ZNF787: variants seen among roughly 807,000 people sequenced by gnomAD.
ZNF787 encodes the protein TTF-I-interacting peptide 20.
Under a neutral mutation model 16.9 loss-of-function variants are expected in ZNF787, and 7 were observed. The observed-to-expected ratio is 0.42, with a 90% CI of 0.24 to 0.78. The LOEUF (loss-of-function observed/expected upper bound fraction) is 0.78, where lower values mean the gene tolerates loss of function less well. Ranked by LOEUF, ZNF787 falls within the 30% of genes least tolerant of loss-of-function variation. The probability of loss-of-function intolerance (pLI) is 0.30; values close to 1 mark genes in which losing one functional copy is unlikely to be tolerated. For synonymous variants in ZNF787, 345 were observed against 270.9 expected, an observed-to-expected ratio of 1.27 and a Z score of -2.69; for missense variants, 551 against 589.3, an observed-to-expected ratio of 0.94 and a Z score of 0.67.
intron 2 of ZNF787, among the ~76,000 whole-genome samples, chr19:56,097,262 C>T (rs982338495): frequency 3.9e-5 from 6 of 152,232 alleles, no homozygotes; most frequent in Non-Finnish European, 7.3e-5. Flanking sequence ...ATTATTCCTA[C>T]CAGTATTAGC....
chr19:56,091,925 A>AGCCGC (rs1568523344), intron 2 of ZNF787, among the ~76,000 whole-genome samples: 28 of 101,098 alleles, frequency 2.8e-4, no homozygotes, highest in South Asian at 1.9e-3. Context: ...GCCGCAGCCG[A>AGCCGC]AGCCGAAGCC....
intron 2 of ZNF787, among the ~76,000 whole-genome samples, chr19:56,098,856 T>G (rs376327413): frequency 7.6e-4 from 98 of 129,040 alleles, no homozygotes; most frequent in South Asian, 2.3e-3. Context: ...CAGGGTGATA[T>G]GGCCACCCGG....
chr19:56,103,412 A>T, intron 1 of ZNF787, 185 bp from the exon 2 acceptor site: 1 of 497,928 alleles, frequency 2.0e-6, no homozygotes, highest in Non-Finnish European at 3.5e-6. Flanking sequence ...TCCCCACTGC[A>T]GGGGCCAGCC....
chr19:56,098,530 G>A (rs1046167876), intron 2 of ZNF787, among the ~76,000 whole-genome samples: 5 of 143,228 alleles, frequency 3.5e-5, no homozygotes, highest in Non-Finnish European at 7.5e-5. Context: ...GCAGGGTGAT[G>A]CCACCAGGGT....
chr19:56,089,541 CCT>C (rs1331741258), intron 2 of ZNF787, among the ~76,000 whole-genome samples: 1 of 152,208 alleles, frequency 6.6e-6, no homozygotes, highest in Non-Finnish European at 1.5e-5. Flanking sequence ...GACACCTGGT[CCT>C]GAGCCAGGGA....
At chr19:56,096,068 G>A (rs1361738764) in intron 2 of ZNF787, among the ~76,000 whole-genome samples, 3 of 152,140 alleles carry the variant, frequency 2.0e-5, no homozygotes, top group Non-Finnish European at 2.9e-5. Flanking sequence ...CAAGGGCCAC[G>A]CTGTGGCTGC....
In ZNF787 at chr19:56,088,093, T is replaced by TCCC; in HGVS notation, c.1076_1078dup (p.Gly359dup). 7.3e-7 allele frequency: 1 copy of TCCC among 1,362,452 alleles called. No individual in the cohort carries two copies. Among genetic ancestry groups the TCCC allele is most frequent in the Non-Finnish European group, 9.6e-7 (1 of 1,043,594 alleles). 84.4% of individuals were successfully genotyped at this position (1,362,452 alleles called of 1,614,324 possible). ...GGCCTCGTCGTCGTCGTCCTCCTCC[T>TCCC]CCCCGCCCGCGCGGTAGTAGCTCTG... On this transcript the variant is annotated inframe_insertion, in exon 3 of 3. Coordinates refer to ENST00000610935, the MANE Select transcript of ZNF787 (RefSeq NM_001002836.4). The surrounding 1 kb of genome is among the most constrained non-coding windows in gnomAD (Gnocchi z 8.6).
At chr19:56,091,179 G>T (rs1048878952) in intron 2 of ZNF787, among the ~76,000 whole-genome samples, 7 of 152,200 alleles carry the variant, frequency 4.6e-5, no homozygotes, top group Admixed American at 1.3e-4. Flanking sequence ...TGACTGAAGG[G>T]GACAGAAAGG....
intron 2 of ZNF787, among the ~76,000 whole-genome samples, chr19:56,098,022 C>T (rs73934668): frequency 0.027 from 4,061 of 152,264 alleles, 185 homozygotes; most frequent in African/African-American, 0.093. Context: ...GGTCAGCACC[C>T]GAGGCCCCAC....
In ZNF787 at chr19:56,088,051, G is replaced by A. The variant is rs763236657; in HGVS notation, c.1121C>T (p.Pro374Leu). Reference protein sequence around the residue: ...DDDEAAGGRCPECRGGEGR With the variant: ...DDDEAAGGRCLECRGGEGR ...CCGGCCCTCCCCACCGCGGCACTCGGGGCACCGCCCGCCCGCGGCCTCGTC... is the reference window on the plus strand; with the variant it reads ...CCGGCCCTCCCCACCGCGGCACTCGAGGCACCGCCCGCCCGCGGCCTCGTC... The change falls in exon 3 of 3, where the codon CCC (proline) becomes CTC (leucine). Residue 374 changes from proline (P) to leucine (L), a missense_variant. By Grantham distance (98) the Pro-to-Leu change is moderately conservative. Coordinates refer to ENST00000610935, the MANE Select transcript of ZNF787 (RefSeq NM_001002836.4). The surrounding 1 kb of genome is among the most constrained non-coding windows in gnomAD (Gnocchi z 8.6). 1.1e-4 allele frequency: 157 copies of A among 1,396,468 alleles called. 1 individual carries two copies. The highest frequency in any genetic ancestry group is 5.9e-4 in the South Asian group (39 of 65,950). The allele number at this position is 1,396,468 out of a possible 1,614,324, so 86.5% of individuals were successfully genotyped here.
At chr19:56,090,342 A>G (rs609736) in intron 2 of ZNF787, among the ~76,000 whole-genome samples, 144,717 of 152,168 alleles carry the variant, frequency 0.95, 69,448 homozygotes, top group African/African-American at 0.99. Flanking sequence ...CTACACGACT[A>G]CAAAGTGGCA....
At chr19:56,097,736 T>C (rs1166027916) in intron 2 of ZNF787, among the ~76,000 whole-genome samples, 4 of 152,168 alleles carry the variant, frequency 2.6e-5, no homozygotes, top group African/African-American at 9.7e-5. Context: ...GCAAAGGCGC[T>C]GCAGAGCCAG....
rs141954041 is a variant in ZNF787 at position 56,098,776 on chromosome 19, T to C, written c.79+4363A>G. On this transcript the variant is annotated intron_variant, in intron 2 of 2. Transcript: ENST00000610935. ...GCTGGGTGATGGAGCCTAGGTGATA[T>C]GGCCACCGGGTGATTACGGCCGCAG... is the stretch of plus-strand genomic sequence containing the variant. Among the ~76,000 whole-genome samples the C allele has an allele frequency of 8.5e-5, 7 of 82,402 alleles. 1 individual carries two copies. The highest frequency in any genetic ancestry group is 2.4e-4 in the Admixed American group (2 of 8,366). The allele number at this position is 82,402 out of a possible 152,430, so 54.1% of individuals were successfully genotyped here. A position where few individuals can be genotyped will look rare whatever the true frequency, so the allele number is the denominator to read the frequency against.
intron 2 of ZNF787, among the ~76,000 whole-genome samples, chr19:56,094,359 A>AGACAGG (rs1283901205): frequency 6.7e-6 from 1 of 148,456 alleles, no homozygotes; most frequent in Non-Finnish European, 1.5e-5. Flanking sequence ...CTCTTAGTAG[A>AGACAGG]GACAGGGTTT....
chr19:56,095,228 T>C (rs1985827607), intron 2 of ZNF787, among the ~76,000 whole-genome samples: 1 of 152,174 alleles, frequency 6.6e-6, no homozygotes, highest in Non-Finnish European at 1.5e-5. Flanking sequence ...GCTCAGGTGG[T>C]AATGCTCGCT....
Position 56,087,970 on chromosome 19 carries a change from C to T in ZNF787, c.*53G>A, listed in dbSNP as rs1985369865. ...TGGGTCTCTTGGTCTTGCACGTCGT[C>T]GCTCCCGCCAAGCCCGAGGGGCCCT... On this transcript the variant is annotated 3_prime_UTR_variant, in exon 3 of 3. Coordinates refer to ENST00000610935, the MANE Select transcript of ZNF787 (RefSeq NM_001002836.4). 1 of 1,299,316 alleles carries T rather than the reference C, an allele frequency of 7.7e-7. No homozygotes were observed. The highest frequency in any genetic ancestry group is 3.5e-5 in the East Asian group (1 of 28,784). 80.5% of individuals were successfully genotyped at this position (1,299,316 alleles called of 1,614,324 possible).
Position 56,105,147 on chromosome 19 carries a change from T to TA in ZNF787, c.-10-1921dup, listed in dbSNP as rs199918115. 3.0e-4 allele frequency among the ~76,000 whole-genome samples: 45 copies of TA among 150,864 alleles called. 1 individual carries two copies. The East Asian group carries it at 8.7e-3, about 29-fold the overall frequency. On this transcript the variant is annotated intron_variant, in intron 1 of 2. Coordinates refer to ENST00000610935, the MANE Select transcript of ZNF787 (RefSeq NM_001002836.4). ...AAATTAAATTTAAAATAAAATAAAA[T>TA]AAATAAATAATAAAAAAATAAAATG...
chr19:56,117,921 G>T (rs2030184973), intron 1 of ZNF787, among the ~76,000 whole-genome samples: 1 of 152,224 alleles, frequency 6.6e-6, no homozygotes, highest in Non-Finnish European at 1.5e-5. Context: ...GAAACAGGGG[G>T]GCCAGATGGG....
intron 2 of ZNF787, among the ~76,000 whole-genome samples, chr19:56,099,905 G>A (rs1437978900): frequency 1.3e-5 from 2 of 152,136 alleles, no homozygotes; most frequent in East Asian, 3.9e-4. Context: ...CGTCAAGCCA[G>A]GACACCTTCA....
Sources: gnomAD v4.1 joint callset for allele counts (sites outside exome capture counted in the v4.1 genomes callset) on GRCh38, gnomAD v4.1.1 for gene constraint, Gnocchi (gnomAD v3.1) non-coding constraint, MANE v1.5 for transcripts, NCBI Gene and HGNC (gene_info 2026-07-23, HGNC 2026-07-21) for gene names.